Variants in CDH18 observed in about 807,000 individuals in gnomAD.
CDH18 encodes the protein cadherin-18.
A neutral mutation model predicts 67.9 loss-of-function variants in CDH18; 31 were observed. That is an observed-to-expected ratio of 0.46 (90% CI 0.34 to 0.62). CDH18 has a LOEUF of 0.62. CDH18 is among the 20% of genes least tolerant of loss of function. The pLI, the probability that CDH18 is intolerant of heterozygous loss-of-function variation, is 0.01. For missense variants in CDH18, 890 were observed against 975.5 expected (o/e 0.91, Z 1.17); for synonymous variants, 362 against 347.2 (o/e 1.04, Z -0.48).
chr5:20,363,618 A>G (rs1313282473), intron 1 of CDH18, among the ~76,000 whole-genome samples: 1 of 151,926 alleles, frequency 6.6e-6, no homozygotes, highest in Non-Finnish European at 1.5e-5. Flanking sequence ...TTATGTATAC[A>G]GTGGCATCAG....
At chr5:19,994,732 TATATATAGAGAGAG>T (rs1178867631) in intron 2 of CDH18, among the ~76,000 whole-genome samples, 70 of 12,448 alleles carry the variant, frequency 5.6e-3, no homozygotes, top group Non-Finnish European at 6.9e-3. Context: ...TATATATATA[TATATATAGAGAGAG>T]AGAGAGAGAG....
chr5:19,685,171 A>T (rs915840265), intron 5 of CDH18, among the ~76,000 whole-genome samples: 2 of 152,188 alleles, frequency 1.3e-5, no homozygotes, highest in Non-Finnish European at 2.9e-5. Context: ...TACAAATGTC[A>T]AGTAGGGAAA....
At chr5:19,663,928 G>A (rs996050083) in intron 5 of CDH18, among the ~76,000 whole-genome samples, 2 of 151,142 alleles carry the variant, frequency 1.3e-5, no homozygotes, top group African/African-American at 4.9e-5. Flanking sequence ...ATGTAGTTTA[G>A]GAAATTGTTA....
intron 1 of CDH18, among the ~76,000 whole-genome samples, chr5:20,394,697 C>G (rs993196357): frequency 6.6e-6 from 1 of 151,962 alleles, no homozygotes; most frequent in Non-Finnish European, 1.5e-5. Context: ...GCAAAGACCT[C>G]ACATCCAGAA....
intron 1 of CDH18, among the ~76,000 whole-genome samples, chr5:20,257,175 A>C (rs927236721): frequency 2.0e-5 from 3 of 152,074 alleles, no homozygotes; most frequent in Non-Finnish European, 4.4e-5. Context: ...TTCCAAGTTT[A>C]ATTCCAGGAA....
chr5:19,473,634 C>T lies in CDH18; in HGVS notation c.1965G>A (p.Val655=), dbSNP rs545456289. Reference sequence around the variant, plus strand: ...CGCCTCCTTCATCATCATAGGTGACCACGTTCTCCCGTACATCCTCTTCTG... The same window carrying T: ...CGCCTCCTTCATCATCATAGGTGACTACGTTCTCCCGTACATCCTCTTCTG... ...IISEEDVREN[V]VTYDDEGGGE... is the part of the protein sequence containing the mutation. Residue 655 remains valine (V), a synonymous_variant, in exon 13 of 13, where the codon GTG becomes GTA. Coordinates refer to ENST00000382275, the MANE Select transcript of CDH18 (RefSeq NM_004934.5). 5.6e-6 allele frequency: 9 copies of T among 1,613,746 alleles called. No individual in the cohort carries two copies. The African/African-American group carries it at 1.2e-4, about 22-fold the overall frequency.
At chr5:19,539,784 G>A (rs557949096) in intron 9 of CDH18, among the ~76,000 whole-genome samples, 2 of 152,218 alleles carry the variant, frequency 1.3e-5, no homozygotes, top group East Asian at 3.9e-4. Context: ...TGGAAAAGAC[G>A]AGGTCCATGA....
At chr5:20,375,037 T>C (rs1030024509) in intron 1 of CDH18, among the ~76,000 whole-genome samples, 1 of 152,166 alleles carries the variant, frequency 6.6e-6, no homozygotes, top group African/African-American at 2.4e-5. Context: ...ACATTAATTT[T>C]AAATATTTAT....
At chr5:20,341,201 C>G (rs1740231088) in intron 1 of CDH18, among the ~76,000 whole-genome samples, 1 of 152,058 alleles carries the variant, frequency 6.6e-6, no homozygotes, top group Admixed American at 6.5e-5. Context: ...AGGGTGTTGC[C>G]AATGTTGATT....
intron 2 of CDH18, among the ~76,000 whole-genome samples, chr5:20,071,853 A>G (rs944709677): frequency 3.4e-4 from 51 of 152,106 alleles, no homozygotes; most frequent in South Asian, 1.0e-3. Flanking sequence ...ACACACTTCT[A>G]AACAGCTCAG....
chr5:19,761,986 T>A (rs1772420866), intron 3 of CDH18, among the ~76,000 whole-genome samples: 1 of 152,128 alleles, frequency 6.6e-6, no homozygotes, highest in Non-Finnish European at 1.5e-5. Context: ...AAACAAGCAA[T>A]GGGGAAAGGA....
chr5:20,478,851 A>T (rs987164422), intron 1 of CDH18, among the ~76,000 whole-genome samples: 1 of 152,076 alleles, frequency 6.6e-6, no homozygotes, highest in Non-Finnish European at 1.5e-5. Flanking sequence ...CCCAGTGATG[A>T]TGGCCACAGA....
chr5:19,748,135 A>AAAAAAAAAAAAAAAAAAC lies in CDH18; in HGVS notation c.229-900_229-899insGTTTTTTTTTTTTTTTTT, dbSNP rs1770360306. ...CTCAAAAAAAAAAAAAAAAAAAAAG[A>AAAAAAAAAAAAAAAAAAC]GTACTTTTTTAGGGATAGAGTATTT... On this transcript the variant is annotated intron_variant, in intron 3 of 12. Transcript: ENST00000382275. 1.5e-5 allele frequency among the ~76,000 whole-genome samples: 2 copies of AAAAAAAAAAAAAAAAAAC among 135,492 alleles called. 1 individual carries two copies. The highest frequency in any genetic ancestry group is 3.2e-5 in the Non-Finnish European group (2 of 61,826). 88.9% of individuals were successfully genotyped at this position (135,492 alleles called of 152,430 possible).
chr5:19,851,629 T>C (rs1783704025), intron 2 of CDH18, among the ~76,000 whole-genome samples: 1 of 151,948 alleles, frequency 6.6e-6, no homozygotes, highest in Non-Finnish European at 1.5e-5. Flanking sequence ...GCCACAATTA[T>C]AAATGCATTT....
chr5:19,896,242 C>A (rs1789324882), intron 2 of CDH18, among the ~76,000 whole-genome samples: 1 of 151,824 alleles, frequency 6.6e-6, no homozygotes, highest in African/African-American at 2.4e-5. Context: ...GCCTGTAATC[C>A]CAGCTACTTT....
At chr5:20,181,014 T>C (rs542231634) in intron 2 of CDH18, among the ~76,000 whole-genome samples, 1 of 152,298 alleles carries the variant, frequency 6.6e-6, no homozygotes, top group Non-Finnish European at 1.5e-5. Flanking sequence ...CATGGATCAC[T>C]GATCTTTGAC....
chr5:20,439,694 G>T (rs1749461386), intron 1 of CDH18, among the ~76,000 whole-genome samples: 1 of 151,590 alleles, frequency 6.6e-6, no homozygotes, highest in Non-Finnish European at 1.5e-5. Flanking sequence ...AGATGGTATT[G>T]CTAAAATATT....
chr5:19,511,288 C>T lies in CDH18; in HGVS notation c.1513-8179G>A, dbSNP rs549396304. Among the ~76,000 whole-genome samples, 3 of 150,114 alleles carry T rather than the reference C, an allele frequency of 2.0e-5. No individual in the cohort carries two copies. In the South Asian group the frequency reaches 6.3e-4, roughly 32 times the overall value. ...TTAAACCTCTTTCCTTTATACATTACCATGTCTCAAGCAGTTCTTAATAGT... is the reference window on the plus strand; with the variant it reads ...TTAAACCTCTTTCCTTTATACATTATCATGTCTCAAGCAGTTCTTAATAGT... On this transcript the variant is annotated intron_variant, in intron 10 of 12. Transcript: ENST00000382275.
intron 2 of CDH18, among the ~76,000 whole-genome samples, chr5:19,913,681 TA>T (rs1791414822): frequency 6.6e-6 from 1 of 151,966 alleles, no homozygotes; most frequent in South Asian, 2.1e-4. Flanking sequence ...GATATCTATC[TA>T]AAAAAAAGAA....
Sources: allele counts gnomAD v4.1 joint callset (sites outside exome capture counted in the v4.1 genomes callset), GRCh38; gene constraint gnomAD v4.1.1; transcripts MANE v1.5; gene names NCBI Gene and HGNC (gene_info 2026-07-23, HGNC 2026-07-21).